The following CACNB2 variants were observed in gnomAD, a reference collection of about 807,000 sequenced individuals.
CACNB2 encodes voltage-dependent L-type calcium channel subunit beta-2.
In CACNB2, 42 loss-of-function variants were observed where a neutral mutation model predicts 73.3. The ratio of observed to expected loss-of-function variants is 0.57; its 90% confidence interval spans 0.45 to 0.74. The LOEUF is 0.74. CACNB2 is among the 30% of genes least tolerant of loss of function. The pLI, the probability that CACNB2 is intolerant of heterozygous loss-of-function variation, is 0.00. For synonymous variants in CACNB2, 348 were observed against 310.3 expected (o/e 1.12, Z -1.28); for missense variants, 940 against 853.0 (o/e 1.10, Z -1.27).
chr10:18,253,204 A>G (rs754961350), intron 2 of CACNB2, among the ~76,000 whole-genome samples: 15 of 152,202 alleles, frequency 9.9e-5, no homozygotes, highest in Non-Finnish European at 2.1e-4. Context: ...GGAGTCAGTG[A>G]AACTCTTTGT....
intron 2 of CACNB2, among the ~76,000 whole-genome samples, chr10:18,156,952 A>C (rs1588570713): frequency 6.6e-6 from 1 of 151,998 alleles, no homozygotes; most frequent in South Asian, 2.1e-4. Context: ...GGCAGGCAGG[A>C]GAATTGCTTG....
chr10:18,361,489 A>G (rs1364208145), intron 2 of CACNB2, among the ~76,000 whole-genome samples: 5 of 133,140 alleles, frequency 3.8e-5, no homozygotes, highest in Admixed American at 2.4e-4. Context: ...ACAAAGCAAG[A>G]CTCTATCTCA....
intron 3 of CACNB2, among the ~76,000 whole-genome samples, chr10:18,446,147 A>C (rs189006161): frequency 6.6e-6 from 1 of 152,350 alleles, no homozygotes; most frequent in African/African-American, 2.4e-5. Flanking sequence ...AGCCACAGCC[A>C]GAGCTCAGAT....
At chr10:18,336,675 A>G (rs1338164810) in intron 2 of CACNB2, among the ~76,000 whole-genome samples, 1 of 152,198 alleles carries the variant, frequency 6.6e-6, no homozygotes, top group Admixed American at 6.5e-5. Context: ...ACAAGACAGC[A>G]ATCATTTGCA....
intron 2 of CACNB2, among the ~76,000 whole-genome samples, chr10:18,196,995 C>T (rs1301580373): frequency 6.6e-6 from 1 of 151,984 alleles, no homozygotes; most frequent in East Asian, 1.9e-4. Context: ...CCTCCCCTCT[C>T]CTCCCCCTCT....
chr10:18,353,245 A>C (rs1018428968), intron 2 of CACNB2, among the ~76,000 whole-genome samples: 2 of 152,072 alleles, frequency 1.3e-5, no homozygotes, highest in Non-Finnish European at 2.9e-5. Flanking sequence ...CCCCATATCT[A>C]CTAAAAATAC....
At chr10:18,473,199 C>A (rs867632106) in intron 3 of CACNB2, among the ~76,000 whole-genome samples, 11 of 152,084 alleles carry the variant, frequency 7.2e-5, no homozygotes, top group African/African-American at 2.4e-4. Context: ...CAGGTGGGGC[C>A]CCGCTCGCCT....
Position 18,539,997 on chromosome 10 carries a change from G to T in CACNB2, c.*273G>T. ...AAACTGTTTTGGGTAGCTGCCACTT[G>T]AACAAAATCTGTTGCCACCCAGGTG... On this transcript the variant is annotated 3_prime_UTR_variant, in exon 14 of 14. Transcript: ENST00000324631. The T allele has an allele frequency of 5.5e-6, 2 of 366,126 alleles. No individual in the cohort carries two copies. The highest frequency in any genetic ancestry group is 1.0e-5 in the Non-Finnish European group (2 of 200,906). 22.7% of individuals were successfully genotyped at this position (366,126 alleles called of 1,614,324 possible).
At chr10:18,364,837 A>T (rs1222828654) in intron 2 of CACNB2, among the ~76,000 whole-genome samples, 1 of 152,014 alleles carries the variant, frequency 6.6e-6, no homozygotes, top group African/African-American at 2.4e-5. Context: ...TTCTTCCTTC[A>T]TTATTCTTTA....
At chr10:18,400,962 G>A (rs1308946787) in intron 2 of CACNB2, 4 of 1,610,674 alleles carry the variant, frequency 2.5e-6, no homozygotes, top group East Asian at 2.2e-5. Flanking sequence ...GGGGTTCTCC[G>A]GGGCTCAGCG....
rs528251721 is a variant in CACNB2, at chr10:18,403,973, A to C, written c.333+1930A>C. On this transcript the variant is annotated intron_variant, in intron 3 of 13. Transcript: ENST00000324631. ...TAATTGTATATTTTTAAATAACTTA[A>C]AGAATGTAATTGGACTGTTCGTAGC... Among the ~76,000 whole-genome samples the C allele has an allele frequency of 1.8e-4, 28 of 152,230 alleles. No individual in the cohort carries two copies. In the South Asian group the frequency reaches 5.4e-3, roughly 29 times the overall value.
intron 2 of CACNB2, among the ~76,000 whole-genome samples, chr10:18,241,196 C>T (rs973241981): frequency 2.6e-5 from 4 of 152,116 alleles, no homozygotes; most frequent in Non-Finnish European, 2.9e-5. Flanking sequence ...CAAGCTGTGC[C>T]CTGACCCCAC....
Position 18,351,098 on chromosome 10 carries a change from A to G in CACNB2, c.214-50826A>G, listed in dbSNP as rs75702018. On this transcript the variant is annotated intron_variant, in intron 2 of 13. Coordinates refer to ENST00000324631, the MANE Select transcript of CACNB2 (RefSeq NM_201596.3). Reference sequence around the variant, plus strand: ...GTCATTCTCACAGGAGAATGTATATAAAAACAAAGTAAATATATTTTTATA... The same window carrying G: ...GTCATTCTCACAGGAGAATGTATATGAAAACAAAGTAAATATATTTTTATA... 5.2e-3 allele frequency among the ~76,000 whole-genome samples: 786 copies of G among 152,250 alleles called. 9 individuals are homozygous for G. The highest frequency in any genetic ancestry group is 0.018 in the African/African-American group (758 of 41,584).
intron 4 of CACNB2, among the ~76,000 whole-genome samples, chr10:18,500,577 T>C (rs2050138850): frequency 1.3e-5 from 2 of 152,194 alleles, no homozygotes; most frequent in Non-Finnish European, 2.9e-5. Flanking sequence ...GAATTCAGCC[T>C]GGTCCTACGG....
chr10:18,245,217 C>T (rs909713902), intron 2 of CACNB2, among the ~76,000 whole-genome samples: 8 of 152,094 alleles, frequency 5.3e-5, no homozygotes, highest in African/African-American at 1.9e-4. Context: ...CACATACAGG[C>T]ACACAGTGTG....
intron 2 of CACNB2, among the ~76,000 whole-genome samples, chr10:18,300,091 G>A (rs1015070473): frequency 6.6e-6 from 1 of 151,484 alleles, no homozygotes; most frequent in Non-Finnish European, 1.5e-5. Flanking sequence ...GCACTATCTC[G>A]GCTCACTGCA....
intron 2 of CACNB2, among the ~76,000 whole-genome samples, chr10:18,321,166 G>T (rs1032245523): frequency 6.6e-6 from 1 of 152,146 alleles, no homozygotes; most frequent in South Asian, 2.1e-4. Context: ...ATCCCTGCAG[G>T]CCATGAGACA....
chr10:18,164,967 G>T (rs2032746905), intron 2 of CACNB2, among the ~76,000 whole-genome samples: 1 of 152,062 alleles, frequency 6.6e-6, no homozygotes, highest in Non-Finnish European at 1.5e-5. Context: ...CCAACATATG[G>T]AGTGCCTTTG....
At chr10:18,265,249 C>G (rs2037743466) in intron 2 of CACNB2, among the ~76,000 whole-genome samples, 1 of 148,218 alleles carries the variant, frequency 6.7e-6, no homozygotes, top group Non-Finnish European at 1.5e-5. Context: ...CTCCCGCATT[C>G]AAGCCTCAGC....
Sources: gnomAD v4.1 joint callset for allele counts (sites outside exome capture counted in the v4.1 genomes callset) on GRCh38, gnomAD v4.1.1 for gene constraint, MANE v1.5 for transcripts, NCBI Gene and HGNC (gene_info 2026-07-23, HGNC 2026-07-21) for gene names.